GNAO1: variants seen among roughly 807,000 people sequenced by gnomAD.
The protein encoded by GNAO1 is guanine nucleotide-binding protein G(o) subunit alpha.
For missense variants in GNAO1, 166 were observed against 478.7 expected, an observed-to-expected ratio of 0.35 and a Z score of 6.10; for synonymous variants, 164 against 180.7, an observed-to-expected ratio of 0.91 and a Z score of 0.74.
intron 3 of GNAO1, 67 bp downstream of exon 3, chr16:56,276,139 T>G: frequency 1.4e-6 from 2 of 1,404,700 alleles, no homozygotes; most frequent in Non-Finnish European, 2.0e-6. Flanking sequence ...TGCCTCCTCT[T>G]TATAGTGCTG....
intron 3 of GNAO1, among the ~76,000 whole-genome samples, chr16:56,321,290 C>T (rs1304586039): frequency 2.0e-5 from 3 of 152,252 alleles, no homozygotes; most frequent in Non-Finnish European, 2.9e-5. Context: ...ACTCAAGTAA[C>T]TAGAAAGCCC....
chr16:56,290,482 GC>G (rs1567471285), intron 3 of GNAO1, among the ~76,000 whole-genome samples: 1 of 152,158 alleles, frequency 6.6e-6, no homozygotes, highest in African/African-American at 2.4e-5. Flanking sequence ...TTTCTGTATG[GC>G]CCCTTGTAAA....
intron 2 of GNAO1, among the ~76,000 whole-genome samples, chr16:56,231,393 G>A (rs1346924822): frequency 1.3e-5 from 2 of 152,154 alleles, no homozygotes; most frequent in African/African-American, 2.4e-5. Context: ...CCGTCTCCAC[G>A]CTCTGCTTAA....
At chr16:56,301,144 G>A (rs774820408) in intron 3 of GNAO1, 5 of 152,300 alleles carry the variant, frequency 3.3e-5, no homozygotes, top group Admixed American at 6.5e-5. Flanking sequence ...GAAGTGGACA[G>A]AGGATACCGG....
intron 3 of GNAO1, among the ~76,000 whole-genome samples, chr16:56,309,750 G>A (rs567663118): frequency 8.6e-4 from 131 of 152,316 alleles, no homozygotes; most frequent in Non-Finnish European, 1.5e-3. Flanking sequence ...GCTCCTGTGC[G>A]TGCCGCTCTG....
At chr16:56,242,456 T>C (rs921077683) in intron 2 of GNAO1, among the ~76,000 whole-genome samples, 4 of 152,182 alleles carry the variant, frequency 2.6e-5, no homozygotes, top group African/African-American at 9.7e-5. Context: ...AACATGGTAC[T>C]AGCAAAAGAA....
At chr16:56,353,853 A>G (rs1423475173) in intron 7 of GNAO1, among the ~76,000 whole-genome samples, 5 of 152,210 alleles carry the variant, frequency 3.3e-5, no homozygotes, top group Non-Finnish European at 2.9e-5. Context: ...CTCAGCCATG[A>G]CAACCCACCC....
At chr16:56,263,667 T>A (rs1205416418) in intron 2 of GNAO1, among the ~76,000 whole-genome samples, 2 of 152,060 alleles carry the variant, frequency 1.3e-5, no homozygotes, top group Admixed American at 1.3e-4. Flanking sequence ...CCCCCATGAG[T>A]CACTATGTTT....
At chr16:56,340,632 T>C (rs990399835) in intron 6 of GNAO1, 54 of 594,530 alleles carry the variant, frequency 9.1e-5, no homozygotes, top group South Asian at 4.9e-4. Flanking sequence ...CGCCCCGCCC[T>C]GCCTGCGTGT....
At chr16:56,213,617 C>T (rs1362143260) in intron 2 of GNAO1, among the ~76,000 whole-genome samples, 1 of 152,088 alleles carries the variant, frequency 6.6e-6, no homozygotes, top group East Asian at 1.9e-4. Flanking sequence ...CAGGTGCACA[C>T]CACCATGCAT....
chr16:56,297,291 A>C (rs1420493735), intron 3 of GNAO1, among the ~76,000 whole-genome samples: 1 of 151,890 alleles, frequency 6.6e-6, no homozygotes, highest in Admixed American at 6.6e-5. Flanking sequence ...CCTGCCCTGT[A>C]CCCTCATCCA....
chr16:56,290,118 T>C (rs1016273736), intron 3 of GNAO1, among the ~76,000 whole-genome samples: 2 of 152,196 alleles, frequency 1.3e-5, no homozygotes, highest in Non-Finnish European at 2.9e-5. Flanking sequence ...TAGTGAGTTA[T>C]CTCCTCCATA....
At chr16:56,204,708 G>T (rs1444975965) in intron 2 of GNAO1, among the ~76,000 whole-genome samples, 1 of 152,198 alleles carries the variant, frequency 6.6e-6, no homozygotes, top group Non-Finnish European at 1.5e-5. Flanking sequence ...TAAAAGTGCA[G>T]TTTCAGTGGA....
intron 2 of GNAO1, among the ~76,000 whole-genome samples, chr16:56,272,043 A>G (rs1463259606): frequency 2.0e-5 from 3 of 152,364 alleles, no homozygotes; most frequent in East Asian, 3.9e-4. Context: ...TGTGGCATTT[A>G]AAAAAGCCAG....
Position 56,340,813 on chromosome 16 carries a change from C to T in GNAO1, c.723+3953C>T, listed in dbSNP as rs750749781. ...GCCCTGGATGCTGCCGCCCCTCACTCACCCCTCCACTCTGTTGCAGAACCG... is the reference window on the plus strand; with the variant it reads ...GCCCTGGATGCTGCCGCCCCTCACTTACCCCTCCACTCTGTTGCAGAACCG... On this transcript the variant is annotated intron_variant, in intron 6 of 8. Coordinates refer to ENST00000262493, the MANE Select transcript of GNAO1 (RefSeq NM_020988.3). The T allele has an allele frequency of 6.8e-6, 11 of 1,608,454 alleles. No homozygotes were observed. In the African/African-American group the frequency reaches 1.3e-4, roughly 20 times the overall value.
At chr16:56,283,057 G>A (rs1331836780) in intron 3 of GNAO1, among the ~76,000 whole-genome samples, 3 of 152,216 alleles carry the variant, frequency 2.0e-5, no homozygotes, top group Non-Finnish European at 4.4e-5. Context: ...AAACAACTCA[G>A]GGACATATGT....
Position 56,351,596 on chromosome 16 carries a change from C to G in GNAO1, c.877+59C>G. ...CTGCCCCTGACAGGGACCCATGGCT[C>G]AGAGAACAGGCTGCTCGGCCAGCAC... is the stretch of plus-strand genomic sequence containing the variant. On this transcript the variant is annotated intron_variant, in intron 7 of 8. Coordinates refer to ENST00000262493, the MANE Select transcript of GNAO1 (RefSeq NM_020988.3). This position sits in a 1 kb window ranked among gnomAD's most constrained non-coding sequence, Gnocchi z 6.1. 2.9e-6 allele frequency: 4 copies of G among 1,395,938 alleles called. No individual in the cohort carries two copies. The highest frequency in any genetic ancestry group is 2.4e-5 in the South Asian group (2 of 84,538). The allele number at this position is 1,395,938 out of a possible 1,614,324, so 86.5% of individuals were successfully genotyped here.
intron 2 of GNAO1, among the ~76,000 whole-genome samples, chr16:56,252,667 G>A (rs563092000): frequency 5.3e-4 from 80 of 152,276 alleles, no homozygotes; most frequent in Middle Eastern, 6.8e-3. Context: ...TGATACTTTC[G>A]CATAGTGAGG....
chr16:56,204,337 T>C (rs964112383), intron 2 of GNAO1, among the ~76,000 whole-genome samples: 2 of 151,996 alleles, frequency 1.3e-5, no homozygotes, highest in Non-Finnish European at 2.9e-5. Context: ...AGAAGAGAGA[T>C]CTGGGCTAGA....
Sources: gnomAD v4.1 joint callset for allele counts (sites outside exome capture counted in the v4.1 genomes callset) on GRCh38, gnomAD v4.1.1 for gene constraint, Gnocchi (gnomAD v3.1) non-coding constraint, MANE v1.5 for transcripts, NCBI Gene and HGNC (gene_info 2026-07-23, HGNC 2026-07-21) for gene names.